Variants in ZMAT4 observed in about 807,000 individuals in gnomAD.
The protein encoded by ZMAT4 is zinc finger matrin-type 4.
Under a neutral mutation model 28.7 loss-of-function variants are expected in ZMAT4, and 17 were observed. The observed-to-expected ratio is 0.59, with a 90% CI of 0.41 to 0.89. The LOEUF (loss-of-function observed/expected upper bound fraction) is 0.89, where lower values mean the gene tolerates loss of function less well. ZMAT4 is among the 40% of genes least tolerant of loss of function. ZMAT4 has a pLI of 0.00. For synonymous variants in ZMAT4, 117 were observed against 109.2 expected, an observed-to-expected ratio of 1.07 and a Z score of -0.44; for missense variants, 240 against 283.8, an observed-to-expected ratio of 0.85 and a Z score of 1.11.
At chr8:40,889,055 C>A (rs559394761) in intron 1 of ZMAT4, among the ~76,000 whole-genome samples, 10 of 152,296 alleles carry the variant, frequency 6.6e-5, no homozygotes, top group African/African-American at 1.9e-4. Flanking sequence ...ACTTTGTGAC[C>A]CTGACCAAGA....
At chr8:40,743,702 G>A (rs1460369172) in intron 3 of ZMAT4, among the ~76,000 whole-genome samples, 1 of 152,194 alleles carries the variant, frequency 6.6e-6, no homozygotes, top group African/African-American at 2.4e-5. Context: ...TTGGGATAGC[G>A]GCATGGGCAG....
chr8:40,795,774 G>A (rs916267905), intron 2 of ZMAT4, among the ~76,000 whole-genome samples: 1 of 152,130 alleles, frequency 6.6e-6, no homozygotes, highest in African/African-American at 2.4e-5. Flanking sequence ...ATTGCAAACC[G>A]ATGACATTCT....
At chr8:40,862,833 A>C (rs965786278) in intron 1 of ZMAT4, among the ~76,000 whole-genome samples, 5 of 149,546 alleles carry the variant, frequency 3.3e-5, no homozygotes, top group Non-Finnish European at 5.9e-5. Flanking sequence ...CGGTGGGGGG[A>C]GGGGGAGGGC....
intron 1 of ZMAT4, among the ~76,000 whole-genome samples, chr8:40,881,586 G>GAAAT (rs1401181338): frequency 9.5e-6 from 1 of 104,912 alleles, no homozygotes; most frequent in Non-Finnish European, 2.0e-5. Context: ...AAGAAAGAAA[G>GAAAT]AAAGAAAGAA....
At chr8:40,660,723 C>T (rs190076922) in intron 5 of ZMAT4, among the ~76,000 whole-genome samples, 81 of 152,278 alleles carry the variant, frequency 5.3e-4, no homozygotes, top group African/African-American at 6.7e-4. Flanking sequence ...TATAAAATCC[C>T]CATTTTCTTG....
rs1803461389 is a variant in ZMAT4, at chr8:40,554,396, A to C, written c.675-22158T>G. Among the ~76,000 whole-genome samples, 7 of 151,808 alleles carry C rather than the reference A, an allele frequency of 4.6e-5. No homozygotes were observed. The Admixed American group carries it at 4.7e-4, about 10-fold the overall frequency. ...TTAATTAACTACTAATTGGTTAATT[A>C]ACTAAGTACTTAATTAACTAAGTAC... On this transcript the variant is annotated intron_variant, in intron 6 of 6. Coordinates refer to ENST00000297737, the MANE Select transcript of ZMAT4 (RefSeq NM_024645.3).
intron 3 of ZMAT4, among the ~76,000 whole-genome samples, chr8:40,766,966 A>C (rs1301187753): frequency 1.3e-5 from 2 of 152,176 alleles, no homozygotes; most frequent in African/African-American, 4.8e-5. Flanking sequence ...AGTGTTTATT[A>C]GGAGGAGCCT....
intron 2 of ZMAT4, among the ~76,000 whole-genome samples, chr8:40,786,089 G>C (rs1173351153): frequency 6.6e-6 from 1 of 152,086 alleles, no homozygotes; most frequent in Non-Finnish European, 1.5e-5. Flanking sequence ...TTTCTTCCTT[G>C]CTGAATTAGG....
At chr8:40,811,121 G>A (rs893828114) in intron 2 of ZMAT4, among the ~76,000 whole-genome samples, 2 of 152,086 alleles carry the variant, frequency 1.3e-5, no homozygotes, top group South Asian at 2.1e-4. Flanking sequence ...TATACCTTAC[G>A]GTGGCTGTAT....
At chr8:40,713,989 T>C (rs1431266372) in intron 3 of ZMAT4, among the ~76,000 whole-genome samples, 5 of 151,310 alleles carry the variant, frequency 3.3e-5, no homozygotes, top group African/African-American at 9.7e-5. Flanking sequence ...ATATCCAATT[T>C]TAAAAAATAT....
intron 6 of ZMAT4, among the ~76,000 whole-genome samples, chr8:40,578,131 C>T (rs1804330067): frequency 6.6e-6 from 1 of 151,520 alleles, no homozygotes; most frequent in African/African-American, 2.4e-5. Flanking sequence ...TATCAAGACA[C>T]TATAAAATTA....
intron 1 of ZMAT4, among the ~76,000 whole-genome samples, chr8:40,834,208 C>T (rs1286192351): frequency 1.3e-5 from 2 of 152,208 alleles, no homozygotes; most frequent in Non-Finnish European, 2.9e-5. Flanking sequence ...GGCCTGATGA[C>T]ATCTGGGAAG....
chr8:40,827,567 G>A (rs1161266480), intron 1 of ZMAT4, among the ~76,000 whole-genome samples: 1 of 152,214 alleles, frequency 6.6e-6, no homozygotes, highest in Admixed American at 6.5e-5. Flanking sequence ...GGCTCTAGTG[G>A]CTCATTCAGG....
At chr8:40,661,444 G>A (rs559521840) in intron 5 of ZMAT4, among the ~76,000 whole-genome samples, 3 of 152,272 alleles carry the variant, frequency 2.0e-5, no homozygotes, top group Non-Finnish European at 2.9e-5. Context: ...AAACAAATAC[G>A]TCAATAGGTA....
intron 2 of ZMAT4, among the ~76,000 whole-genome samples, chr8:40,786,060 G>A (rs751299843): frequency 6.6e-6 from 1 of 152,132 alleles, no homozygotes; most frequent in Non-Finnish European, 1.5e-5. Context: ...GCCAAGGGGA[G>A]GCTGTGGCTG....
chr8:40,711,978 T>C (rs1275718608), intron 3 of ZMAT4, among the ~76,000 whole-genome samples: 1 of 152,194 alleles, frequency 6.6e-6, no homozygotes, highest in African/African-American at 2.4e-5. Flanking sequence ...AAAAGGTTTA[T>C]AAAAGATGAA....
At chr8:40,778,825 A>G (rs1813708522) in intron 2 of ZMAT4, among the ~76,000 whole-genome samples, 1 of 152,202 alleles carries the variant, frequency 6.6e-6, no homozygotes, top group Non-Finnish European at 1.5e-5. Context: ...TGGCATGATG[A>G]AAGAAAAACA....
chr8:40,799,726 C>T (rs1397121221), intron 2 of ZMAT4, among the ~76,000 whole-genome samples: 2 of 151,872 alleles, frequency 1.3e-5, no homozygotes, highest in Non-Finnish European at 2.9e-5. Context: ...ATAATAATAG[C>T]AACAATGTAT....
intron 5 of ZMAT4, among the ~76,000 whole-genome samples, chr8:40,585,703 T>C (rs1462239438): frequency 6.6e-6 from 1 of 152,196 alleles, no homozygotes; most frequent in Non-Finnish European, 1.5e-5. Context: ...AACTTATCAC[T>C]ACCAGTGTGT....
Sources: gnomAD v4.1 joint callset for allele counts (sites outside exome capture counted in the v4.1 genomes callset) on GRCh38, gnomAD v4.1.1 for gene constraint, MANE v1.5 for transcripts, NCBI Gene and HGNC (gene_info 2026-07-23, HGNC 2026-07-21) for gene names.